Variants in LARP1B observed in about 807,000 individuals in gnomAD.
LARP1B encodes the protein La ribonucleoprotein 1B, also known as la-related protein 1B.
A neutral mutation model predicts 114.2 loss-of-function variants in LARP1B; 76 were observed. The observed-to-expected ratio is 0.67, with a 90% CI of 0.55 to 0.81. The LOEUF (loss-of-function observed/expected upper bound fraction) is 0.81, where lower values mean the gene tolerates loss of function less well. LARP1B is among the 30% of genes least tolerant of loss of function. The probability of loss-of-function intolerance (pLI) is 0.00; values close to 1 mark genes in which losing one functional copy is unlikely to be tolerated. For synonymous variants in LARP1B, 345 were observed against 348.0 expected (o/e 0.99, Z 0.10); for missense variants, 1,014 against 1,075.8 (o/e 0.94, Z 0.80).
At chr4:128,127,403 A>G (rs1259352774) in intron 11 of LARP1B, among the ~76,000 whole-genome samples, 2 of 152,264 alleles carry the variant, frequency 1.3e-5, no homozygotes, top group African/African-American at 2.4e-5. Flanking sequence ...GTAACTTCAT[A>G]TCTGGACAAA....
rs10679400 is a variant in LARP1B, at chr4:128,064,271, CAAAAAAA to C, written c.-78+2883_-78+2889del. Among the ~76,000 whole-genome samples the C allele has an allele frequency of 5.0e-5, 4 of 79,562 alleles. No homozygotes were observed. The Admixed American group carries it at 7.5e-4, about 15-fold the overall frequency. 52.2% of individuals were successfully genotyped at this position (79,562 alleles called of 152,430 possible). A position where few individuals can be genotyped will look rare whatever the true frequency, so the allele number is the denominator to read the frequency against. ...TGGGTGACAGAGCAAGACTCAGTCT[CAAAAAAA>C]AAAAAAAAAAAAGTACGGTGATTGT... On this transcript the variant is annotated intron_variant, in intron 1 of 19. Transcript: ENST00000326639.
chr4:128,105,233 C>G (rs1159113200), intron 8 of LARP1B, among the ~76,000 whole-genome samples: 3 of 152,136 alleles, frequency 2.0e-5, no homozygotes, highest in Non-Finnish European at 4.4e-5. Flanking sequence ...TCTTTCTAGT[C>G]AGTGTCACAC....
chr4:128,191,119 T>C (rs1277587596), intron 15 of LARP1B, among the ~76,000 whole-genome samples: 1 of 152,074 alleles, frequency 6.6e-6, no homozygotes, highest in African/African-American at 2.4e-5. Flanking sequence ...GGATTTTTTT[T>C]TTTAATTTCA....
chr4:128,076,107 G>A (rs1402088739), intron 3 of LARP1B, among the ~76,000 whole-genome samples: 6 of 152,018 alleles, frequency 3.9e-5, no homozygotes, highest in South Asian at 2.1e-4. Context: ...TCCGCCTCCC[G>A]GGTTTAAGTG....
downstream of LARP1B, among the ~76,000 whole-genome samples, chr4:128,214,042 G>T (rs560067952): frequency 2.0e-5 from 3 of 149,944 alleles, no homozygotes; most frequent in Non-Finnish European, 4.4e-5. Context: ...AAGGGGTGAC[G>T]GACGCACCTG....
chr4:128,220,030 C>T (rs1759883010), intron 6 of LARP1B, among the ~76,000 whole-genome samples: 1 of 152,058 alleles, frequency 6.6e-6, no homozygotes, highest in Non-Finnish European at 1.5e-5. Context: ...GGATTACAGG[C>T]ATGTGCCACC....
chr4:128,155,679 T>G, intron 11 of LARP1B: 1 of 1,603,812 alleles, frequency 6.2e-7, no homozygotes, highest in Non-Finnish European at 8.5e-7. Flanking sequence ...CAAGGCCTTG[T>G]GAACAGATCA....
chr4:128,184,662 T>C (rs899651958), intron 15 of LARP1B, among the ~76,000 whole-genome samples: 2 of 152,224 alleles, frequency 1.3e-5, no homozygotes, highest in Non-Finnish European at 2.9e-5. Flanking sequence ...TATTCTACTG[T>C]ACTATAAAAC....
In LARP1B at chr4:128,096,016, C is replaced by T. The variant is rs1257294360; in HGVS notation, c.669-2170C>T. ...AATTTTTTTTTTTTTTTTTTTGAGACGGAGTCTCGCTCTGTTGCCCAGGCT... is the reference window on the plus strand; with the variant it reads ...AATTTTTTTTTTTTTTTTTTTGAGATGGAGTCTCGCTCTGTTGCCCAGGCT... On this transcript the variant is annotated intron_variant, in intron 7 of 19. Coordinates refer to ENST00000326639, the MANE Select transcript of LARP1B (RefSeq NM_018078.4). Among the ~76,000 whole-genome samples, 43 of 119,130 alleles carry T rather than the reference C, an allele frequency of 3.6e-4. 1 individual carries two copies. In the East Asian group the frequency reaches 8.9e-3, roughly 25 times the overall value. 78.2% of individuals were successfully genotyped at this position (119,130 alleles called of 152,430 possible).
chr4:128,139,573 G>T (rs569104471), intron 11 of LARP1B, among the ~76,000 whole-genome samples: 2 of 129,448 alleles, frequency 1.5e-5, no homozygotes, highest in Non-Finnish European at 3.4e-5. Flanking sequence ...GCTTGTAACT[G>T]TATAACTGTT....
chr4:128,129,047 C>T (rs1243631330), intron 11 of LARP1B, among the ~76,000 whole-genome samples: 1 of 151,448 alleles, frequency 6.6e-6, no homozygotes, highest in Non-Finnish European at 1.5e-5. Flanking sequence ...CGCCTGTAGT[C>T]CCAGCTACTC....
chr4:128,090,877 A>T, intron 5 of LARP1B, 124 bp from the exon 6 acceptor site: 1 of 668,556 alleles, frequency 1.5e-6, no homozygotes, highest in East Asian at 2.8e-5. Context: ...TCCATCTGAA[A>T]AATGCCTGGC....
chr4:128,176,875 G>A lies in LARP1B; in HGVS notation c.1652G>A (p.Gly551Asp). The change falls in exon 13 of 20, where the codon GGT becomes GAT. Residue 551 changes from glycine to aspartate, a missense_variant. Coordinates refer to ENST00000326639, the MANE Select transcript of LARP1B (RefSeq NM_018078.4). ...PVAPSQSRQG[G>D]VQGVLHIPKK... Reference sequence around the variant, plus strand: ...GACTAATTAACTCTCTTGGCAGGAGGTGTTCAAGGAGTGCTTCACATTCCC... The same window carrying A: ...GACTAATTAACTCTCTTGGCAGGAGATGTTCAAGGAGTGCTTCACATTCCC... The A allele has an allele frequency of 6.2e-7, 1 of 1,613,900 alleles. No individual in the cohort carries two copies.
intron 11 of LARP1B, among the ~76,000 whole-genome samples, chr4:128,153,463 G>A (rs1468304245): frequency 2.0e-5 from 3 of 151,818 alleles, no homozygotes; most frequent in African/African-American, 4.8e-5. Context: ...GCACCACCAC[G>A]CCTGGCTAAT....
chr4:128,222,468 C>A, exon 8 of LARP1B: 1 of 420,216 alleles, frequency 2.4e-6, no homozygotes, highest in Non-Finnish European at 4.9e-6. Context: ...CGCCCCACCC[C>A]ACATCAATGC....
intron 8 of LARP1B, among the ~76,000 whole-genome samples, chr4:128,098,564 A>G (rs1356495746): frequency 6.6e-6 from 1 of 150,522 alleles, no homozygotes; most frequent in Non-Finnish European, 1.5e-5. Context: ...CTCCCCCTCA[A>G]TTAGTCAACC....
At chr4:128,068,967 T>A (rs1192576391) in intron 1 of LARP1B, 1 of 616,924 alleles carries the variant, frequency 1.6e-6, no homozygotes, top group East Asian at 2.9e-5. Flanking sequence ...CAGACATGAT[T>A]GTCCTAAATT....
chr4:128,104,967 T>C (rs1340394807), intron 8 of LARP1B, among the ~76,000 whole-genome samples: 3 of 152,186 alleles, frequency 2.0e-5, no homozygotes, highest in Non-Finnish European at 4.4e-5. Flanking sequence ...CCACCACTAT[T>C]GGGAGTTTGA....
At chr4:128,121,597 C>T (rs79115479) in intron 10 of LARP1B, among the ~76,000 whole-genome samples, 3,634 of 152,314 alleles carry the variant, frequency 0.024, 128 homozygotes, top group African/African-American at 0.083. Context: ...TATTCCAACT[C>T]TAAAAGAGTC....
Sources: gnomAD v4.1 joint callset for allele counts (sites outside exome capture counted in the v4.1 genomes callset) on GRCh38, gnomAD v4.1.1 for gene constraint, MANE v1.5 for transcripts, NCBI Gene and HGNC (gene_info 2026-07-23, HGNC 2026-07-21) for gene names.